Variants in PSMB2 observed in about 807,000 individuals in gnomAD.
The protein encoded by PSMB2 is proteasome 20S subunit beta 2.
PSMB2 carries 13 observed loss-of-function variants against 25.7 expected under a neutral mutation model. The observed-to-expected ratio is 0.51, with a 90% CI of 0.33 to 0.80. The LOEUF is 0.80. Among genes scored for constraint, PSMB2 ranks in the 30% least tolerant of loss-of-function variants. The probability of loss-of-function intolerance (pLI) is 0.02; values close to 1 mark genes in which losing one functional copy is unlikely to be tolerated. For synonymous variants in PSMB2, 87 were observed against 96.2 expected (o/e 0.90, Z 0.56); for missense variants, 202 against 259.0 (o/e 0.78, Z 1.51).
chr1:35,625,920 T>C (rs1286546081), intron 3 of PSMB2, among the ~76,000 whole-genome samples: 1 of 151,876 alleles, frequency 6.6e-6, no homozygotes, highest in African/African-American at 2.4e-5. Context: ...CACTGCAACC[T>C]CCACCTTCTG....
chr1:35,636,446 A>T lies in PSMB2; in HGVS notation c.92-14T>A. 1.2e-6 allele frequency: 2 copies of T among 1,610,678 alleles called. No individual in the cohort carries two copies. Among genetic ancestry groups the T allele is most frequent in the South Asian group, 2.2e-5 (2 of 90,282 alleles). On this transcript the variant is annotated splice_polypyrimidine_tract_variant and intron_variant, in intron 1 of 5. Coordinates refer to ENST00000373237, the MANE Select transcript of PSMB2 (RefSeq NM_002794.5). ...TCTTGTCATGATCTGCTCAAAGAAG[A>T]AAACTGTGTTAGAAACTGCCTTAAC...
At chr1:35,624,828 C>T (rs969002653) in intron 3 of PSMB2, among the ~76,000 whole-genome samples, 32 of 150,976 alleles carry the variant, frequency 2.1e-4, no homozygotes, top group African/African-American at 7.1e-4. Flanking sequence ...TTTGGGAGGC[C>T]GAGGCGGGTG....
intron 5 of PSMB2, 69 bp from the exon 6 acceptor site, chr1:35,603,443 A>T: frequency 6.4e-7 from 1 of 1,556,808 alleles, no homozygotes; most frequent in Admixed American, 1.9e-5. Context: ...GCTCTGTTCT[A>T]GACACTGGGG....
Position 35,636,077 on chromosome 1 carries a change from T to C in PSMB2, c.214+233A>G, listed in dbSNP as rs187801455. Among the ~76,000 whole-genome samples, 33 of 152,120 alleles carry C rather than the reference T, an allele frequency of 2.2e-4. No homozygotes were observed. In the East Asian group the frequency reaches 6.0e-3, roughly 28 times the overall value. ...GACTGGTATTCTTAGAAGAGAAAATTTGGATATAGTACAAAGAGAAAAATC... is the reference window on the plus strand; with the variant it reads ...GACTGGTATTCTTAGAAGAGAAAATCTGGATATAGTACAAAGAGAAAAATC... On this transcript the variant is annotated intron_variant, in intron 2 of 5. Transcript: ENST00000373237.
Position 35,602,061 on chromosome 1 carries a change from G to A in PSMB2, c.*1206C>T, listed in dbSNP as rs535185172. The stretch of plus-strand genomic sequence containing the variant: ...TTAAAAATACTTTTTAGCCGGGCAC[G>A]GTGGCTCACGCCTGTAATCCCAGCA... On this transcript the variant is annotated 3_prime_UTR_variant, in exon 6 of 6. Coordinates refer to ENST00000373237, the MANE Select transcript of PSMB2 (RefSeq NM_002794.5). 5.7e-5 allele frequency: 32 copies of A among 559,266 alleles called. No homozygotes were observed. In the East Asian group the frequency reaches 1.8e-3, roughly 31 times the overall value. 34.6% of individuals were successfully genotyped at this position (559,266 alleles called of 1,614,324 possible). A position where few individuals can be genotyped will look rare whatever the true frequency, so the allele number is the denominator to read the frequency against.
intron 2 of PSMB2, among the ~76,000 whole-genome samples, chr1:35,635,312 G>C (rs1225990982): frequency 6.8e-6 from 1 of 147,160 alleles, no homozygotes. Context: ...TCACTACATT[G>C]CTCAGGCTAG....
intron 1 of PSMB2, among the ~76,000 whole-genome samples, chr1:35,639,592 T>C (rs1455734014): frequency 6.6e-6 from 1 of 152,234 alleles, no homozygotes; most frequent in East Asian, 1.9e-4. Context: ...AGTAATATAC[T>C]GCATCCCCTA....
chr1:35,635,956 T>C (rs1323833738), intron 2 of PSMB2, among the ~76,000 whole-genome samples: 1 of 152,186 alleles, frequency 6.6e-6, no homozygotes, highest in African/African-American at 2.4e-5. Flanking sequence ...AATTCATATG[T>C]TGAAGTCTTA....
chr1:35,608,455 T>C (rs1283013062), intron 4 of PSMB2, among the ~76,000 whole-genome samples: 11 of 152,002 alleles, frequency 7.2e-5, no homozygotes. Context: ...GCTAACAATA[T>C]ATAGTTTCAA....
intron 3 of PSMB2, among the ~76,000 whole-genome samples, chr1:35,611,598 C>T (rs376361883): frequency 2.0e-5 from 3 of 152,084 alleles, no homozygotes; most frequent in African/African-American, 7.2e-5. Context: ...CCGAGGCGGG[C>T]AGATTACTTG....
At chr1:35,605,365 T>C (rs897949821) in intron 4 of PSMB2, 83 bp from the exon 5 acceptor site, 1 of 1,416,312 alleles carries the variant, frequency 7.1e-7, no homozygotes, top group African/African-American at 1.4e-5. Flanking sequence ...GTTCCAAATC[T>C]GGCTTCTTCA....
At chr1:35,620,822 G>T (rs1373960618) in intron 3 of PSMB2, among the ~76,000 whole-genome samples, 2 of 151,632 alleles carry the variant, frequency 1.3e-5, no homozygotes. Context: ...CTGTCACCAT[G>T]CCCAGCTAAT....
chr1:35,626,897 G>T (rs1300647443), intron 3 of PSMB2, among the ~76,000 whole-genome samples: 1 of 152,070 alleles, frequency 6.6e-6, no homozygotes, highest in African/African-American at 2.4e-5. Flanking sequence ...CTGAGGAACA[G>T]AATTTTTTTT....
intron 2 of PSMB2, among the ~76,000 whole-genome samples, chr1:35,636,040 C>T (rs886441856): frequency 1.3e-5 from 2 of 151,970 alleles, no homozygotes; most frequent in African/African-American, 4.8e-5. Flanking sequence ...AAATGAGTTC[C>T]TAATTCAACA....
chr1:35,640,087 A>ATACTATACTATACTGTACTGTACTG (rs1553126271), intron 1 of PSMB2, among the ~76,000 whole-genome samples: 299 of 151,770 alleles, frequency 2.0e-3, no homozygotes, highest in African/African-American at 6.8e-3. Context: ...ATACTATACT[A>ATACTATACTATACTGTACTGTACTG]TACTATACTA....
chr1:35,639,881 G>C (rs568930597), intron 1 of PSMB2, among the ~76,000 whole-genome samples: 1 of 152,256 alleles, frequency 6.6e-6, no homozygotes, highest in African/African-American at 2.4e-5. Flanking sequence ...AGTATAAGGT[G>C]CTATGTTAAG....
intron 5 of PSMB2, 121 bp downstream of exon 5, chr1:35,605,112 G>T: frequency 1.2e-6 from 1 of 857,132 alleles, no homozygotes; most frequent in Non-Finnish European, 1.8e-6. Flanking sequence ...TTCACATCTG[G>T]TTAGTGGGTA....
chr1:35,627,701 T>C (rs1000849806), intron 3 of PSMB2, among the ~76,000 whole-genome samples: 10 of 152,210 alleles, frequency 6.6e-5, no homozygotes, highest in African/African-American at 2.4e-4. Flanking sequence ...TCATAATAAC[T>C]TTTTGAAATT....
intron 4 of PSMB2, 97 bp from the exon 5 acceptor site, chr1:35,605,379 C>G: frequency 8.4e-7 from 1 of 1,191,618 alleles, no homozygotes; most frequent in East Asian, 2.4e-5. Context: ...TTCTTCAGGT[C>G]TCAGTGCCAC....
Sources: allele counts gnomAD v4.1 joint callset (sites outside exome capture counted in the v4.1 genomes callset), GRCh38; gene constraint gnomAD v4.1.1; transcripts MANE v1.5; gene names NCBI Gene and HGNC (gene_info 2026-07-23, HGNC 2026-07-21).